The following SEMA6D variants were observed in gnomAD, a reference collection of about 807,000 sequenced individuals.
SEMA6D encodes the protein semaphorin 6D.
SEMA6D carries 35 observed loss-of-function variants against 106.6 expected under a neutral mutation model. The ratio of observed to expected loss-of-function variants is 0.33; its 90% CI spans 0.25 to 0.44. The LOEUF (loss-of-function observed/expected upper bound fraction) is 0.44, where lower values mean the gene tolerates loss of function less well. Ranked by LOEUF, SEMA6D falls within the 20% of genes least tolerant of loss-of-function variation. SEMA6D has a pLI of 1.00. For synonymous variants in SEMA6D, 499 were observed against 487.7 expected (o/e 1.02, Z -0.31); for missense variants, 1,185 against 1,345.9 (o/e 0.88, Z 1.87).
chr15:47,230,268 A>G (rs1309683953), intron 1 of SEMA6D, among the ~76,000 whole-genome samples: 1 of 152,058 alleles, frequency 6.6e-6, no homozygotes, highest in South Asian at 2.1e-4. Flanking sequence ...TTATTGTAAC[A>G]TAAGTTTTAT....
chr15:47,466,890 C>CTTTT (rs74867347), intron 2 of SEMA6D, among the ~76,000 whole-genome samples: 1 of 132,238 alleles, frequency 7.6e-6, no homozygotes, highest in Admixed American at 7.7e-5. Context: ...CCACGCCTGG[C>CTTTT]TTTTTTTTTT....
intron 1 of SEMA6D, among the ~76,000 whole-genome samples, chr15:47,309,315 TCC>T (rs1254755167): frequency 5.3e-5 from 8 of 152,184 alleles, no homozygotes; most frequent in African/African-American, 1.9e-4. Context: ...TCCTGTTCTG[TCC>T]CACCTGGGAT....
At chr15:47,237,510 C>T (rs905380649) in intron 1 of SEMA6D, among the ~76,000 whole-genome samples, 1 of 151,942 alleles carries the variant, frequency 6.6e-6, no homozygotes. Flanking sequence ...TGCACTATGA[C>T]CGAAGGGATA....
intron 1 of SEMA6D, among the ~76,000 whole-genome samples, chr15:47,320,505 C>A (rs900578142): frequency 3.9e-5 from 6 of 152,144 alleles, no homozygotes; most frequent in Non-Finnish European, 7.3e-5. Flanking sequence ...CTTTAGCTCC[C>A]CAACATGTTA....
chr15:47,263,966 T>G (rs183596407), intron 1 of SEMA6D, among the ~76,000 whole-genome samples: 6 of 151,618 alleles, frequency 4.0e-5, no homozygotes, highest in Admixed American at 2.0e-4. Context: ...CAATGACAAA[T>G]TGGATAAAGA....
chr15:47,443,136 A>G (rs1223854402), intron 2 of SEMA6D, among the ~76,000 whole-genome samples: 4 of 152,156 alleles, frequency 2.6e-5, no homozygotes, highest in Non-Finnish European at 5.9e-5. Flanking sequence ...AATGATAGAT[A>G]TGTCACCTTG....
rs150525483 is a variant in SEMA6D at position 47,217,874 on chromosome 15, T to TACACACACACAC, written c.-239+33477_-239+33488dup. On this transcript the variant is annotated intron_variant, in intron 1 of 19. Transcript: ENST00000558014. ...TGCTTCCTGCTTGCATGTACACACATACACACACACACACACACACACACA... is the reference window on the plus strand; with the variant it reads ...TGCTTCCTGCTTGCATGTACACACATACACACACACACACACACACACACACACACACACACA... Among the ~76,000 whole-genome samples, 1,286 of 143,120 alleles carry TACACACACACAC rather than the reference T, an allele frequency of 9.0e-3. 8 individuals are homozygous for TACACACACACAC. Among genetic ancestry groups the TACACACACACAC allele is most frequent in the Admixed American group, 0.021 (304 of 14,230 alleles). 93.9% of individuals were successfully genotyped at this position (143,120 alleles called of 152,430 possible).
intron 1 of SEMA6D, among the ~76,000 whole-genome samples, chr15:47,204,021 T>C (rs967636164): frequency 1.3e-5 from 2 of 152,146 alleles, no homozygotes; most frequent in African/African-American, 4.8e-5. Flanking sequence ...CTCCTTTGAC[T>C]TGAGAAGAGA....
intron 2 of SEMA6D, among the ~76,000 whole-genome samples, chr15:47,469,396 G>GT (rs976041549): frequency 1.3e-5 from 2 of 151,664 alleles, no homozygotes; most frequent in African/African-American, 4.8e-5. Context: ...ATTGTCTTCA[G>GT]TTTTTTTCAT....
At chr15:47,337,993 A>G (rs1003252870) in intron 1 of SEMA6D, among the ~76,000 whole-genome samples, 1 of 152,172 alleles carries the variant, frequency 6.6e-6, no homozygotes. Context: ...AAAAACTGAG[A>G]CTAAGAGTGA....
chr15:47,231,230 A>G (rs992937183), intron 1 of SEMA6D, among the ~76,000 whole-genome samples: 2 of 151,876 alleles, frequency 1.3e-5, no homozygotes, highest in East Asian at 1.9e-4. Context: ...CAGTTCTCTC[A>G]TCCTGTCTGT....
At position 47,331,893 on chromosome 15, in the gene SEMA6D, C is replaced by T. The variant is rs576869800; in HGVS notation, c.-238-80500C>T. Among the ~76,000 whole-genome samples, 283 of 152,284 alleles carry T rather than the reference C, an allele frequency of 1.9e-3. 2 individuals are homozygous for T. Among genetic ancestry groups the T allele is most frequent in the Middle Eastern group, 3.4e-3 (1 of 294 alleles). ...AGTTACTTAGTGTGTTTACAGTTCT[C>T]GTATTGCATCAGCAGAAACCTAATG... On this transcript the variant is annotated intron_variant, in intron 1 of 19. Transcript: ENST00000558014.
At chr15:47,424,224 A>C (rs924513901) in intron 2 of SEMA6D, among the ~76,000 whole-genome samples, 1 of 152,124 alleles carries the variant, frequency 6.6e-6, no homozygotes, top group Non-Finnish European at 1.5e-5. Context: ...CTACCTAGTG[A>C]CTATTTGCCA....
chr15:47,516,088 G>A (rs922733678), intron 3 of SEMA6D, among the ~76,000 whole-genome samples: 1 of 152,026 alleles, frequency 6.6e-6, no homozygotes, highest in Non-Finnish European at 1.5e-5. Context: ...TTGCACAGTC[G>A]TCCCCATTGA....
intron 4 of SEMA6D, among the ~76,000 whole-genome samples, chr15:47,622,465 A>G (rs765099266): frequency 1.3e-5 from 2 of 152,150 alleles, no homozygotes; most frequent in Non-Finnish European, 2.9e-5. Flanking sequence ...GAATCAGCCA[A>G]ATCTGCAGGA....
chr15:47,694,326 T>C (rs1351923824), intron 4 of SEMA6D, among the ~76,000 whole-genome samples: 1 of 152,128 alleles, frequency 6.6e-6, no homozygotes, highest in Non-Finnish European at 1.5e-5. Context: ...ACACAAAGTA[T>C]ATGTGCAAAA....
chr15:47,333,783 G>A (rs919973124), intron 1 of SEMA6D, among the ~76,000 whole-genome samples: 2 of 152,172 alleles, frequency 1.3e-5, no homozygotes, highest in Admixed American at 1.3e-4. Context: ...GTGTGCTGAG[G>A]TGTTATGATA....
At chr15:47,577,800 G>A (rs1354273004) in intron 3 of SEMA6D, among the ~76,000 whole-genome samples, 1 of 152,198 alleles carries the variant, frequency 6.6e-6, no homozygotes, top group African/African-American at 2.4e-5. Flanking sequence ...CCTCAGCAAG[G>A]ACAAAGCGTG....
At chr15:47,408,097 C>T (rs2040657420) in intron 1 of SEMA6D, among the ~76,000 whole-genome samples, 1 of 152,090 alleles carries the variant, frequency 6.6e-6, no homozygotes, top group Non-Finnish European at 1.5e-5. Flanking sequence ...TAAATTTCAG[C>T]GTTTTCTCCT....
Sources: gnomAD v4.1 joint callset for allele counts (sites outside exome capture counted in the v4.1 genomes callset) on GRCh38, gnomAD v4.1.1 for gene constraint, MANE v1.5 for transcripts, NCBI Gene and HGNC (gene_info 2026-07-23, HGNC 2026-07-21) for gene names.